CFAP44: variants seen among roughly 807,000 people sequenced by gnomAD.
CFAP44 encodes cilia and flagella associated protein 44, also known as cilia- and flagella-associated protein 44.
Under a neutral mutation model 216.2 loss-of-function variants are expected in CFAP44, and 134 were observed. The ratio of observed to expected loss-of-function variants is 0.62; its 90% CI spans 0.54 to 0.72. CFAP44 has a LOEUF of 0.72. Ranked by LOEUF, CFAP44 falls within the 30% of genes least tolerant of loss-of-function variation. The pLI is 0.00. For synonymous variants in CFAP44, 700 were observed against 727.6 expected (o/e 0.96, Z 0.61); for missense variants, 2,035 against 2,182.1 (o/e 0.93, Z 1.34).
At chr3:113,417,447 G>C (rs1423828144) in intron 5 of CFAP44, 2 of 152,090 alleles carry the variant, frequency 1.3e-5, no homozygotes, top group African/African-American at 2.4e-5. Context: ...CAAATGTGTA[G>C]GAAGGGTAAA....
intron 28 of CFAP44, among the ~76,000 whole-genome samples, chr3:113,317,736 T>G (rs1421674057): frequency 6.6e-6 from 1 of 152,182 alleles, no homozygotes; most frequent in Non-Finnish European, 1.5e-5. Flanking sequence ...AGGGGTGAGA[T>G]GCATGAGTTC....
intron 28 of CFAP44, among the ~76,000 whole-genome samples, chr3:113,310,334 G>A (rs1391857189): frequency 2.0e-5 from 3 of 152,144 alleles, no homozygotes; most frequent in East Asian, 1.9e-4. Flanking sequence ...CCATCCCCAC[G>A]ATGTTGATCA....
intron 26 of CFAP44, 48 bp downstream of exon 26, chr3:113,330,120 C>A: frequency 1.4e-6 from 2 of 1,439,682 alleles, no homozygotes; most frequent in South Asian, 1.5e-5. Flanking sequence ...AATTTTTTCC[C>A]TTCTCTTCTC....
intron 32 of CFAP44, 34 bp from the exon 33 acceptor site, chr3:113,296,919 AATG>A: frequency 6.5e-7 from 1 of 1,536,618 alleles, no homozygotes; most frequent in South Asian, 1.2e-5. Context: ...CAGGTTGTTC[AATG>A]GCTCCCATTG....
rs773068411 is a variant in CFAP44 at position 113,395,706 on chromosome 3, T to C, written c.1890+44A>G. 3 of 1,500,322 alleles carry C rather than the reference T, an allele frequency of 2.0e-6. No homozygotes were observed. In the East Asian group the frequency reaches 6.9e-5, roughly 34 times the overall value. 92.9% of individuals were successfully genotyped at this position (1,500,322 alleles called of 1,614,324 possible). A position where few individuals can be genotyped will look rare whatever the true frequency, so the allele number is the denominator to read the frequency against. ...CTATCTACAAGATAGTTTCACTATG[T>C]AGTAATTGAGATTCAAACAGGAAGA... On this transcript the variant is annotated intron_variant, in intron 15 of 34. Transcript: ENST00000393845.
At chr3:113,369,613 G>A (rs897053476) in intron 18 of CFAP44, among the ~76,000 whole-genome samples, 8 of 152,064 alleles carry the variant, frequency 5.3e-5, no homozygotes, top group Non-Finnish European at 8.8e-5. Flanking sequence ...CTAAATGCCC[G>A]CAAGAGAAAG....
intron 15 of CFAP44, among the ~76,000 whole-genome samples, chr3:113,388,967 T>C (rs1005050153): frequency 2.6e-5 from 4 of 152,150 alleles, no homozygotes; most frequent in Admixed American, 1.3e-4. Flanking sequence ...GGACAGATCA[T>C]CCAGGCAGAA....
chr3:113,302,480 A>C (rs1285420932), intron 32 of CFAP44, among the ~76,000 whole-genome samples: 3 of 146,088 alleles, frequency 2.1e-5, no homozygotes, highest in Non-Finnish European at 4.5e-5. Context: ...AAAAAAAAAA[A>C]GATAGCCAGG....
At chr3:113,376,265 G>A (rs1359611805) in intron 17 of CFAP44, among the ~76,000 whole-genome samples, 1 of 152,198 alleles carries the variant, frequency 6.6e-6, no homozygotes, top group Non-Finnish European at 1.5e-5. Flanking sequence ...GTTTGTATGG[G>A]ACATGTATGG....
chr3:113,435,540 GT>G (rs1219959120), intron 1 of CFAP44, among the ~76,000 whole-genome samples: 1 of 151,838 alleles, frequency 6.6e-6, no homozygotes, highest in Non-Finnish European at 1.5e-5. Context: ...TGGGATTTGG[GT>G]GGGGACACAG....
intron 25 of CFAP44, among the ~76,000 whole-genome samples, chr3:113,331,794 G>A (rs771310913): frequency 3.9e-5 from 6 of 151,986 alleles, no homozygotes; most frequent in Non-Finnish European, 5.9e-5. Flanking sequence ...TGAGAAAAAA[G>A]ACAAATAATA....
At chr3:113,391,153 C>A (rs1164214536) in intron 15 of CFAP44, among the ~76,000 whole-genome samples, 1 of 151,990 alleles carries the variant, frequency 6.6e-6, no homozygotes, top group Non-Finnish European at 1.5e-5. Flanking sequence ...AAACACAGAC[C>A]AATAGAACAG....
At chr3:113,324,056 A>G (rs1950168947) in intron 28 of CFAP44, among the ~76,000 whole-genome samples, 2 of 151,824 alleles carry the variant, frequency 1.3e-5, no homozygotes, top group Non-Finnish European at 1.5e-5. Context: ...AAAAAAAAAA[A>G]AAAGAGAGAA....
At position 113,306,457 on chromosome 3, in the gene CFAP44, A is replaced by G. The variant is rs190775694; in HGVS notation, c.4628-126T>C. 295 of 1,128,592 alleles carry G rather than the reference A, an allele frequency of 2.6e-4. No individual in the cohort carries two copies. The African/African-American group carries it at 3.8e-3, about 15-fold the overall frequency. 69.9% of individuals were successfully genotyped at this position (1,128,592 alleles called of 1,614,324 possible). A position where few individuals can be genotyped will look rare whatever the true frequency, so the allele number is the denominator to read the frequency against. ...ATGGATCCACTCTAGCCAGCTTTTA[A>G]GACACTTATGGCTTAATTGTTCCAG... On this transcript the variant is annotated intron_variant, in intron 29 of 34. Coordinates refer to ENST00000393845, the MANE Select transcript of CFAP44 (RefSeq NM_001164496.2).
intron 17 of CFAP44, among the ~76,000 whole-genome samples, chr3:113,378,537 A>G (rs1322035575): frequency 6.6e-6 from 1 of 152,164 alleles, no homozygotes; most frequent in Non-Finnish European, 1.5e-5. Context: ...CTGGCTAAAG[A>G]CCTAGGACCA....
intron 17 of CFAP44, among the ~76,000 whole-genome samples, chr3:113,378,983 G>A (rs908687008): frequency 4.6e-5 from 7 of 151,996 alleles, no homozygotes; most frequent in Admixed American, 1.3e-4. Context: ...GCCTTTCTAC[G>A]CTTGATCCTT....
chr3:113,400,396 C>G (rs757416172), intron 12 of CFAP44, 149 bp downstream of exon 12: 11 of 544,662 alleles, frequency 2.0e-5, no homozygotes, highest in Non-Finnish European at 2.9e-5. Flanking sequence ...TTTGTGGCCT[C>G]TCCTCTCCAC....
intron 2 of CFAP44, among the ~76,000 whole-genome samples, chr3:113,431,964 G>A (rs567233065): frequency 1.1e-4 from 16 of 152,282 alleles, no homozygotes; most frequent in African/African-American, 3.4e-4. Flanking sequence ...TGCAGCCTAT[G>A]AAGTCCTTCC....
chr3:113,409,407 AG>A, intron 6 of CFAP44, 85 bp from the exon 7 acceptor site: 1 of 1,236,964 alleles, frequency 8.1e-7, no homozygotes, highest in South Asian at 1.4e-5. Flanking sequence ...AGAGGGAGTC[AG>A]CCCATGGTGA....
Sources: allele counts gnomAD v4.1 joint callset (sites outside exome capture counted in the v4.1 genomes callset), GRCh38; gene constraint gnomAD v4.1.1; transcripts MANE v1.5; gene names NCBI Gene and HGNC (gene_info 2026-07-23, HGNC 2026-07-21).